Variants in RGS7 observed in about 807,000 individuals in gnomAD.
The protein encoded by RGS7 is regulator of G protein signaling 7.
Under a neutral mutation model 81.1 loss-of-function variants are expected in RGS7, and 27 were observed. That is an observed-to-expected ratio of 0.33 (90% CI 0.25 to 0.46). The LOEUF is 0.46. Ranked by LOEUF, RGS7 falls within the 20% of genes least tolerant of loss-of-function variation. RGS7 has a pLI of 1.00. For missense variants in RGS7, 396 were observed against 607.4 expected, an observed-to-expected ratio of 0.65 and a Z score of 3.66; for synonymous variants, 208 against 207.7, an observed-to-expected ratio of 1.00 and a Z score of -0.01.
At chr1:241,035,829 A>C (rs945601168) in intron 3 of RGS7, among the ~76,000 whole-genome samples, 2 of 152,208 alleles carry the variant, frequency 1.3e-5, no homozygotes, top group Non-Finnish European at 2.9e-5. Flanking sequence ...AAGCAAATGT[A>C]AGCTTTCTTC....
chr1:240,798,228 A>G (rs371719571), intron 18 of RGS7, among the ~76,000 whole-genome samples: 1 of 152,206 alleles, frequency 6.6e-6, no homozygotes, highest in Non-Finnish European at 1.5e-5. Context: ...TGAAAGTGCA[A>G]TGCAATCCTC....
intron 3 of RGS7, among the ~76,000 whole-genome samples, chr1:241,060,266 G>A (rs2061677550): frequency 6.6e-6 from 1 of 152,158 alleles, no homozygotes. Flanking sequence ...ACCACTTACA[G>A]TGAAAAATAG....
At chr1:241,111,215 G>A (rs1362122159) in intron 2 of RGS7, among the ~76,000 whole-genome samples, 2 of 152,128 alleles carry the variant, frequency 1.3e-5, no homozygotes, top group Non-Finnish European at 2.9e-5. Flanking sequence ...AATAAATTCT[G>A]TATGTAAATT....
intron 6 of RGS7, among the ~76,000 whole-genome samples, chr1:240,874,725 C>T (rs553112934): frequency 1.3e-5 from 2 of 152,190 alleles, no homozygotes; most frequent in Non-Finnish European, 2.9e-5. Flanking sequence ...ATTCTTACCA[C>T]TTTTTGTGAT....
intron 6 of RGS7, among the ~76,000 whole-genome samples, chr1:240,888,337 T>C (rs1261165344): frequency 2.0e-5 from 3 of 152,182 alleles, no homozygotes; most frequent in Non-Finnish European, 4.4e-5. Flanking sequence ...TGTGGGCTAA[T>C]TGCATGAGGT....
chr1:240,937,889 T>G (rs1676909865), intron 4 of RGS7, among the ~76,000 whole-genome samples: 1 of 152,224 alleles, frequency 6.6e-6, no homozygotes, highest in Admixed American at 6.5e-5. Context: ...AGAGATTTAT[T>G]GGACAATGTA....
At chr1:240,823,070 C>T in intron 10 of RGS7, 1 of 758,820 alleles carries the variant, frequency 1.3e-6, no homozygotes, top group Non-Finnish European at 2.3e-6. Context: ...TCCTCAATGT[C>T]ACCTGGAATT....
chr1:241,187,251 T>G (rs2072206040), intron 2 of RGS7, among the ~76,000 whole-genome samples: 2 of 152,112 alleles, frequency 1.3e-5, no homozygotes, highest in African/African-American at 4.8e-5. Context: ...TCCACCAAGA[T>G]TCTACTGGAA....
intron 18 of RGS7, among the ~76,000 whole-genome samples, chr1:240,792,672 T>C (rs2103016165): frequency 6.6e-6 from 1 of 152,314 alleles, no homozygotes; most frequent in East Asian, 1.9e-4. Flanking sequence ...TCATGATTTA[T>C]ATTAAGGAAG....
intron 6 of RGS7, among the ~76,000 whole-genome samples, chr1:240,917,325 A>G (rs1672769886): frequency 6.6e-6 from 1 of 152,208 alleles, no homozygotes; most frequent in Admixed American, 6.5e-5. Context: ...ACTATTAGAG[A>G]AGGAGTAAAT....
chr1:241,089,063 C>CTCTCTCTCTCTCTATATATATATA (rs1374552672), intron 3 of RGS7, among the ~76,000 whole-genome samples: 1 of 23,686 alleles, frequency 4.2e-5, no homozygotes, highest in Non-Finnish European at 7.4e-5. Context: ...CTCTCTCTCT[C>CTCTCTCTCTCTCTATATATATATA]TATATATATA....
chr1:241,040,925 G>A (rs716279), intron 3 of RGS7, among the ~76,000 whole-genome samples: 2 of 151,994 alleles, frequency 1.3e-5, no homozygotes, highest in Admixed American at 6.6e-5. Context: ...GAACATGCAC[G>A]TGCAACTCCC....
At chr1:241,146,347 T>C (rs918631008) in intron 2 of RGS7, among the ~76,000 whole-genome samples, 5 of 152,204 alleles carry the variant, frequency 3.3e-5, no homozygotes, top group Admixed American at 2.6e-4. Context: ...TGTGCCCATA[T>C]ACACAATGGC....
At chr1:241,177,197 G>A (rs562459169) in intron 2 of RGS7, among the ~76,000 whole-genome samples, 1 of 152,302 alleles carries the variant, frequency 6.6e-6, no homozygotes, top group East Asian at 1.9e-4. Context: ...TAAAGTAACA[G>A]AGCAGTAGGC....
At chr1:240,947,474 T>C (rs1387065069) in intron 4 of RGS7, among the ~76,000 whole-genome samples, 1 of 152,180 alleles carries the variant, frequency 6.6e-6, no homozygotes, top group Non-Finnish European at 1.5e-5. Flanking sequence ...TATCAGTGAC[T>C]TTCATTCCAC....
At chr1:240,831,737 G>A (rs1693885936) in intron 9 of RGS7, among the ~76,000 whole-genome samples, 1 of 151,292 alleles carries the variant, frequency 6.6e-6, no homozygotes, top group African/African-American at 2.4e-5. Flanking sequence ...CTGGGTTCAA[G>A]TGATTCTCCT....
At chr1:241,258,886 C>T (rs2077171105) in intron 2 of RGS7, among the ~76,000 whole-genome samples, 1 of 152,194 alleles carries the variant, frequency 6.6e-6, no homozygotes, top group African/African-American at 2.4e-5. Flanking sequence ...GCTTCAAAGA[C>T]AACAGACAAT....
At chr1:240,781,369 G>A (rs1026967324) in intron 18 of RGS7, among the ~76,000 whole-genome samples, 2 of 152,188 alleles carry the variant, frequency 1.3e-5, no homozygotes, top group Admixed American at 1.3e-4. Context: ...ACTTTGGGAG[G>A]CCAAGGCTGG....
intron 3 of RGS7, among the ~76,000 whole-genome samples, chr1:240,990,914 C>A (rs1686361694): frequency 6.6e-6 from 1 of 152,172 alleles, no homozygotes; most frequent in Non-Finnish European, 1.5e-5. Context: ...AGCAAATTAT[C>A]TGGTTGATTA....
Sources: gnomAD v4.1 joint callset for allele counts (sites outside exome capture counted in the v4.1 genomes callset) on GRCh38, gnomAD v4.1.1 for gene constraint, MANE v1.5 for transcripts, NCBI Gene and HGNC (gene_info 2026-07-23, HGNC 2026-07-21) for gene names.